ADAMTSL3: variants seen among roughly 807,000 people sequenced by gnomAD.
ADAMTSL3 encodes the protein ADAMTS like 3, also known as ADAMTS-like protein 3.
A neutral mutation model predicts 201.7 loss-of-function variants in ADAMTSL3; 128 were observed. That is an observed-to-expected ratio of 0.63 (90% CI 0.55 to 0.73). ADAMTSL3 has a LOEUF of 0.73. Among genes scored for constraint, ADAMTSL3 ranks in the 30% least tolerant of loss-of-function variants. The pLI is 0.00. For missense variants in ADAMTSL3, 1,990 were observed against 2,119.6 expected (o/e 0.94, Z 1.20); for synonymous variants, 738 against 748.4 (o/e 0.99, Z 0.23).
rs943424323 is a variant in ADAMTSL3 at position 83,725,235 on chromosome 15, A to G, written c.189+20727A>G. On this transcript the variant is annotated intron_variant, in intron 3 of 29. Transcript: ENST00000286744. ...TCATTCATTATTGCTTGTCATTTGG[A>G]TAAAAGTCATTTTAACTGGAGTGAG... 3.3e-5 allele frequency among the ~76,000 whole-genome samples: 5 copies of G among 150,914 alleles called. No individual in the cohort carries two copies. In the Admixed American group the frequency reaches 3.3e-4, roughly 10 times the overall value.
intron 4 of ADAMTSL3, among the ~76,000 whole-genome samples, chr15:83,775,595 C>T (rs1169643488): frequency 6.6e-6 from 1 of 152,118 alleles, no homozygotes; most frequent in African/African-American, 2.4e-5. Flanking sequence ...TACTCGTACT[C>T]AGAAGGGGAG....
chr15:83,776,966 T>C (rs944869829), intron 4 of ADAMTSL3, among the ~76,000 whole-genome samples: 12 of 152,176 alleles, frequency 7.9e-5, no homozygotes, highest in African/African-American at 2.9e-4. Flanking sequence ...CCCTGCTGAC[T>C]GCCACTGCAG....
intron 4 of ADAMTSL3, among the ~76,000 whole-genome samples, chr15:83,802,186 C>T (rs968161364): frequency 6.6e-6 from 1 of 152,014 alleles, no homozygotes; most frequent in Non-Finnish European, 1.5e-5. Flanking sequence ...CTTAACCAGC[C>T]AAGAGTTAAA....
chr15:83,773,074 T>C (rs11855183), intron 3 of ADAMTSL3, among the ~76,000 whole-genome samples: 16,718 of 152,196 alleles, frequency 0.11, 1,168 homozygotes, highest in South Asian at 0.29. Context: ...GCTTTTCATA[T>C]AAACCTGTCT....
At chr15:83,955,271 C>G (rs987751794) in intron 19 of ADAMTSL3, among the ~76,000 whole-genome samples, 7 of 152,210 alleles carry the variant, frequency 4.6e-5, no homozygotes, top group Non-Finnish European at 7.3e-5. Context: ...TTTCCACAGG[C>G]AGAGGAGCTC....
chr15:83,870,721 A>C (rs1325391893), intron 8 of ADAMTSL3, 81 bp from the exon 9 acceptor site: 2 of 1,183,142 alleles, frequency 1.7e-6, no homozygotes, highest in African/African-American at 3.1e-5. Flanking sequence ...TCATATACTG[A>C]CATTGTATTT....
intron 2 of ADAMTSL3, among the ~76,000 whole-genome samples, chr15:83,666,085 T>C (rs2061244686): frequency 6.6e-6 from 1 of 152,194 alleles, no homozygotes; most frequent in Non-Finnish European, 1.5e-5. Context: ...TTTTGTTGTA[T>C]AGATTTCTGA....
chr15:83,867,335 C>T (rs572330483), intron 8 of ADAMTSL3, among the ~76,000 whole-genome samples: 1 of 152,318 alleles, frequency 6.6e-6, no homozygotes, highest in East Asian at 1.9e-4. Context: ...CTGTCCCAAG[C>T]CTGGCCACAG....
At chr15:83,931,601 T>C (rs1290091023) in intron 17 of ADAMTSL3, among the ~76,000 whole-genome samples, 1 of 152,210 alleles carries the variant, frequency 6.6e-6, no homozygotes, top group Non-Finnish European at 1.5e-5. Context: ...TCAATTATAG[T>C]CTAAGTAATT....
intron 6 of ADAMTSL3, among the ~76,000 whole-genome samples, chr15:83,825,147 A>G (rs890064067): frequency 3.3e-5 from 5 of 152,174 alleles, no homozygotes; most frequent in African/African-American, 7.2e-5. Context: ...TTACCATATA[A>G]TTCTTCCATT....
intron 7 of ADAMTSL3, among the ~76,000 whole-genome samples, chr15:83,848,130 T>A (rs933342078): frequency 6.6e-5 from 10 of 150,856 alleles, no homozygotes; most frequent in Admixed American, 1.3e-4. Context: ...CGACAGAAAA[T>A]TTTGTTCAGA....
intron 17 of ADAMTSL3, 91 bp from the exon 18 acceptor site, chr15:83,942,505 C>G: frequency 8.0e-7 from 1 of 1,242,386 alleles, no homozygotes; most frequent in Non-Finnish European, 1.1e-6. Context: ...AGTCTGGAAG[C>G]CCAGAGGAGA....
At chr15:83,947,738 A>G (rs760680398) in intron 19 of ADAMTSL3, among the ~76,000 whole-genome samples, 2 of 152,128 alleles carry the variant, frequency 1.3e-5, no homozygotes, top group Non-Finnish European at 2.9e-5. Context: ...AAAAAGCCCA[A>G]TATTTGATCC....
chr15:83,732,850 G>C (rs1035269912), intron 3 of ADAMTSL3, among the ~76,000 whole-genome samples: 1 of 152,210 alleles, frequency 6.6e-6, no homozygotes, highest in East Asian at 1.9e-4. Flanking sequence ...GAAACCACCA[G>C]CTTAGGATAT....
chr15:83,886,602 A>G (rs1197418408), intron 10 of ADAMTSL3, among the ~76,000 whole-genome samples: 1 of 152,154 alleles, frequency 6.6e-6, no homozygotes, highest in Non-Finnish European at 1.5e-5. Context: ...AGATCAGGGT[A>G]TACAGGCTCA....
intron 22 of ADAMTSL3, among the ~76,000 whole-genome samples, chr15:83,989,103 C>T (rs1435281959): frequency 6.6e-6 from 1 of 152,060 alleles, no homozygotes; most frequent in Non-Finnish European, 1.5e-5. Context: ...AGGATGGTCT[C>T]GATCTCCTGA....
intron 23 of ADAMTSL3, among the ~76,000 whole-genome samples, chr15:83,991,675 C>G (rs997839823): frequency 2.0e-5 from 3 of 152,230 alleles, no homozygotes; most frequent in Non-Finnish European, 2.9e-5. Flanking sequence ...GGCCTAGGCT[C>G]TCTTCTGGAT....
At chr15:84,037,204 A>G (rs554282160) in intron 29 of ADAMTSL3, among the ~76,000 whole-genome samples, 13 of 152,310 alleles carry the variant, frequency 8.5e-5, no homozygotes, top group African/African-American at 3.1e-4. Flanking sequence ...CAGTTGGATT[A>G]GTAGCATGCC....
chr15:83,990,084 C>T (rs928112899), intron 22 of ADAMTSL3, among the ~76,000 whole-genome samples: 2 of 152,154 alleles, frequency 1.3e-5, no homozygotes, highest in Non-Finnish European at 2.9e-5. Context: ...CAGACAGGGC[C>T]TCTCTGAACC....
Sources: gnomAD v4.1 joint callset for allele counts (sites outside exome capture counted in the v4.1 genomes callset) on GRCh38, gnomAD v4.1.1 for gene constraint, MANE v1.5 for transcripts, NCBI Gene and HGNC (gene_info 2026-07-23, HGNC 2026-07-21) for gene names.